FAM174A: variants seen among roughly 807,000 people sequenced by gnomAD.
FAM174A encodes family with sequence similarity 174 member A.
In FAM174A, 14 loss-of-function variants were observed where a neutral mutation model predicts 14.3. That is an observed-to-expected ratio of 0.98 (90% CI 0.65 to 1.53). The LOEUF is 1.53. FAM174A is among the 40% of genes most tolerant of loss of function. FAM174A has a pLI of 0.00. For synonymous variants in FAM174A, 108 were observed against 111.4 expected (o/e 0.97, Z 0.19); for missense variants, 241 against 249.6 (o/e 0.97, Z 0.23).
chr5:100,542,644 A>G (rs1746081044), intron 1 of FAM174A, among the ~76,000 whole-genome samples: 1 of 151,912 alleles, frequency 6.6e-6, no homozygotes, highest in South Asian at 2.1e-4. Context: ...TGTGCTTATA[A>G]TCCTTTATTG....
At chr5:100,572,583 A>T (rs1199971927) in intron 2 of FAM174A, among the ~76,000 whole-genome samples, 2 of 151,912 alleles carry the variant, frequency 1.3e-5, no homozygotes, top group African/African-American at 4.8e-5. Context: ...ACATGAACTC[A>T]TCATTTTTTA....
At chr5:100,583,436 G>A (rs555149958) in intron 2 of FAM174A, among the ~76,000 whole-genome samples, 1 of 152,292 alleles carries the variant, frequency 6.6e-6, no homozygotes, top group Admixed American at 6.5e-5. Context: ...AAGCAGTCTT[G>A]AATAATTGGA....
chr5:100,554,373 G>A (rs1381341150), intron 1 of FAM174A, among the ~76,000 whole-genome samples: 2 of 134,982 alleles, frequency 1.5e-5, no homozygotes, highest in African/African-American at 5.7e-5. Flanking sequence ...CTGGAGTGCA[G>A]TGGCTTCATC....
At chr5:100,569,275 G>A (rs1746726225) in intron 2 of FAM174A, among the ~76,000 whole-genome samples, 1 of 151,602 alleles carries the variant, frequency 6.6e-6, no homozygotes, top group Admixed American at 6.6e-5. Context: ...TGCCATATAT[G>A]TATGTATTAT....
At chr5:100,538,770 T>C (rs1745991155) in intron 1 of FAM174A, among the ~76,000 whole-genome samples, 1 of 151,998 alleles carries the variant, frequency 6.6e-6, no homozygotes, top group East Asian at 1.9e-4. Flanking sequence ...AATTGCTGTT[T>C]ACTGACGGAA....
rs1029785550 is a variant in FAM174A at position 100,547,247 on chromosome 5, G to T, written c.434+11283G>T. On this transcript the variant is annotated intron_variant, in intron 1 of 2. Transcript: ENST00000312637. ...CCATTCATAAAAAAAAGTATGAGTGGAGTAGTTTTTCTGAGGACTAGGGAC... is the reference window on the plus strand; with the variant it reads ...CCATTCATAAAAAAAAGTATGAGTGTAGTAGTTTTTCTGAGGACTAGGGAC... Among the ~76,000 whole-genome samples the T allele has an allele frequency of 3.9e-5, 6 of 152,208 alleles. 1 individual carries two copies. In the South Asian group the frequency reaches 1.2e-3, roughly 32 times the overall value.
intron 2 of FAM174A, among the ~76,000 whole-genome samples, chr5:100,571,937 A>G (rs1042075316): frequency 2.6e-5 from 4 of 151,806 alleles, no homozygotes; most frequent in African/African-American, 9.7e-5. Flanking sequence ...TATTTTGTAA[A>G]CCAAGGCAAA....
At chr5:100,555,367 T>C (rs529422460) in intron 1 of FAM174A, among the ~76,000 whole-genome samples, 7 of 152,182 alleles carry the variant, frequency 4.6e-5, no homozygotes, top group Non-Finnish European at 8.8e-5. Context: ...TTTGCTATTG[T>C]GAATAGTGTC....
intron 1 of FAM174A, among the ~76,000 whole-genome samples, chr5:100,553,585 G>T (rs975585546): frequency 2.0e-5 from 3 of 151,994 alleles, no homozygotes; most frequent in Non-Finnish European, 4.4e-5. Flanking sequence ...GGATGAGTCA[G>T]TACATATACT....
chr5:100,571,060 A>G (rs1355104550), intron 2 of FAM174A, among the ~76,000 whole-genome samples: 3 of 151,862 alleles, frequency 2.0e-5, no homozygotes, highest in Non-Finnish European at 2.9e-5. Flanking sequence ...ACCCTTCTAT[A>G]TATCGTTGGG....
At chr5:100,562,577 T>C (rs1291522256) in intron 2 of FAM174A, among the ~76,000 whole-genome samples, 1 of 151,548 alleles carries the variant, frequency 6.6e-6, no homozygotes, top group Non-Finnish European at 1.5e-5. Flanking sequence ...TGTATTAACT[T>C]GGGTGTGTGT....
At chr5:100,572,293 C>A (rs1222831566) in intron 2 of FAM174A, among the ~76,000 whole-genome samples, 1 of 141,340 alleles carries the variant, frequency 7.1e-6, no homozygotes, top group Non-Finnish European at 1.5e-5. Flanking sequence ...GGTACATGTG[C>A]ACATTGTGCA....
At chr5:100,584,953 A>G (rs1299202158) in intron 2 of FAM174A, among the ~76,000 whole-genome samples, 1 of 151,688 alleles carries the variant, frequency 6.6e-6, no homozygotes, top group Non-Finnish European at 1.5e-5. Flanking sequence ...GGCATTTTGT[A>G]TGGGTGTCAT....
At chr5:100,536,465 G>T (rs1034864279) in intron 1 of FAM174A, among the ~76,000 whole-genome samples, 2 of 152,186 alleles carry the variant, frequency 1.3e-5, no homozygotes, top group Admixed American at 6.5e-5. Flanking sequence ...TGGATTAATA[G>T]TAATATAGAG....
chr5:100,581,232 C>T (rs1342618934), intron 2 of FAM174A: 4 of 281,764 alleles, frequency 1.4e-5, no homozygotes, highest in African/African-American at 4.6e-5. Flanking sequence ...ACAAGGCCTG[C>T]GGCATTTTTT....
At chr5:100,539,579 G>A (rs1183411659) in intron 1 of FAM174A, among the ~76,000 whole-genome samples, 2 of 151,988 alleles carry the variant, frequency 1.3e-5, no homozygotes, top group Admixed American at 6.6e-5. Context: ...TACTTTATGT[G>A]CATTTTGAAA....
At chr5:100,568,205 A>T (rs192682415) in intron 2 of FAM174A, among the ~76,000 whole-genome samples, 1 of 151,898 alleles carries the variant, frequency 6.6e-6, no homozygotes, top group Non-Finnish European at 1.5e-5. Context: ...TTTAGTGCAC[A>T]TGTTGTCCCA....
chr5:100,539,538 T>C (rs1746010115), intron 1 of FAM174A, among the ~76,000 whole-genome samples: 1 of 152,202 alleles, frequency 6.6e-6, no homozygotes, highest in African/African-American at 2.4e-5. Flanking sequence ...GATAGTTAAT[T>C]GATAATTTAT....
chr5:100,545,682 A>G (rs567879908), intron 1 of FAM174A, among the ~76,000 whole-genome samples: 28 of 152,330 alleles, frequency 1.8e-4, no homozygotes, highest in Admixed American at 9.1e-4. Context: ...ATTAATTTAC[A>G]TACATATGAG....
Sources: allele counts gnomAD v4.1 joint callset (sites outside exome capture counted in the v4.1 genomes callset), GRCh38; gene constraint gnomAD v4.1.1; transcripts MANE v1.5; gene names NCBI Gene and HGNC (gene_info 2026-07-23, HGNC 2026-07-21).